The following RASSF8 variants were observed in gnomAD, a reference collection of about 807,000 sequenced individuals.
The protein encoded by RASSF8 is ras association domain-containing protein 8.
RASSF8 carries 22 observed loss-of-function variants against 48.5 expected under a neutral mutation model. That is an observed-to-expected ratio of 0.45 (90% CI 0.32 to 0.65). The LOEUF is 0.65. Among genes scored for constraint, RASSF8 ranks in the 30% least tolerant of loss-of-function variants. RASSF8 has a pLI of 0.03. For missense variants in RASSF8, 418 were observed against 489.2 expected, an observed-to-expected ratio of 0.85 and a Z score of 1.37; for synonymous variants, 127 against 171.5, an observed-to-expected ratio of 0.74 and a Z score of 2.03.
chr12:26,049,985 G>A (rs778021937), intron 2 of RASSF8, among the ~76,000 whole-genome samples: 1 of 151,926 alleles, frequency 6.6e-6, no homozygotes, highest in Admixed American at 6.6e-5. Context: ...AGGGTTTCGT[G>A]TGTTAGTCAG....
In RASSF8 at chr12:26,064,625, A is replaced by G. The variant is rs1402363052; in HGVS notation, c.231A>G (p.Leu77=). ...GQYASDVQLI[L]RRTGPSLSER... ...ATGCTAGTGATGTGCAGCTCATTCT[A>G]CGACGAACTGGGCCGTCTCTCAGTG... Residue 77 remains leucine (L), a synonymous_variant, in exon 4 of 6, where the codon CTA becomes CTG. Transcript: ENST00000689635. 1 of 1,614,182 alleles carries G rather than the reference A, an allele frequency of 6.2e-7. No homozygotes were observed. Among genetic ancestry groups the G allele is most frequent in the South Asian group, 1.1e-5 (1 of 91,078 alleles).
chr12:26,078,440 G>A (rs10842666), intron 5 of RASSF8, among the ~76,000 whole-genome samples: 34,863 of 152,132 alleles, frequency 0.23, 4,232 homozygotes, highest in Middle Eastern at 0.35. Flanking sequence ...AGAGAGGTCT[G>A]AGAAGCCTGG....
chr12:26,038,052 A>T (rs1221120577), intron 2 of RASSF8, among the ~76,000 whole-genome samples: 1 of 151,958 alleles, frequency 6.6e-6, no homozygotes, highest in African/African-American at 2.4e-5. Context: ...CCCTGTACAC[A>T]CCCCCATCAC....
intron 2 of RASSF8, among the ~76,000 whole-genome samples, chr12:26,014,903 A>T (rs1253096904): frequency 6.9e-6 from 1 of 145,440 alleles, no homozygotes; most frequent in Non-Finnish European, 1.5e-5. Context: ...AAACAGCATT[A>T]AAAAAAAAAT....
chr12:26,053,453 A>G (rs1473811968), intron 2 of RASSF8, among the ~76,000 whole-genome samples: 2 of 152,244 alleles, frequency 1.3e-5, no homozygotes, highest in Admixed American at 6.5e-5. Flanking sequence ...AGTGCCTCGC[A>G]GAAGAGGAAA....
At chr12:26,039,222 A>G (rs1214384947) in intron 2 of RASSF8, among the ~76,000 whole-genome samples, 1 of 152,224 alleles carries the variant, frequency 6.6e-6, no homozygotes, top group African/African-American at 2.4e-5. Flanking sequence ...TTTGCTAAGT[A>G]GATACGACAG....
chr12:26,025,301 T>C (rs1250708395), intron 2 of RASSF8, among the ~76,000 whole-genome samples: 1 of 152,134 alleles, frequency 6.6e-6, no homozygotes, highest in Non-Finnish European at 1.5e-5. Flanking sequence ...CTCACGCCTG[T>C]AATCCCAGCA....
intron 2 of RASSF8, among the ~76,000 whole-genome samples, chr12:26,040,800 A>G (rs2137156680): frequency 6.6e-6 from 1 of 152,182 alleles, no homozygotes; most frequent in Non-Finnish European, 1.5e-5. Context: ...TAGGACTAAC[A>G]TGAATATTTG....
rs575395868 is a variant in RASSF8 at position 26,054,234 on chromosome 12, T to C, written c.-108-1002T>C. 1.8e-3 allele frequency among the ~76,000 whole-genome samples: 272 copies of C among 152,278 alleles called. 2 individuals are homozygous for C. The highest frequency in any genetic ancestry group is 6.2e-3 in the African/African-American group (258 of 41,566). On this transcript the variant is annotated intron_variant, in intron 2 of 5. Coordinates refer to ENST00000689635, the MANE Select transcript of RASSF8 (RefSeq NM_001394098.1). ...AATTTACATAGGAAGAGTTGAGAGT[T>C]TTTTTAAACCCACAGGAAAAAGAAT... is the stretch of plus-strand genomic sequence containing the variant.
chr12:25,980,927 T>A (rs1941726830), intron 1 of RASSF8, among the ~76,000 whole-genome samples: 1 of 152,202 alleles, frequency 6.6e-6, no homozygotes, highest in Non-Finnish European at 1.5e-5. Context: ...GGGGCATTAT[T>A]AGCATATTAT....
chr12:25,999,711 TAATA>T (rs1173015719), intron 2 of RASSF8, among the ~76,000 whole-genome samples: 1 of 152,170 alleles, frequency 6.6e-6, no homozygotes, highest in African/African-American at 2.4e-5. Flanking sequence ...TATTTGCAGA[TAATA>T]AAAAGTTCCC....
In RASSF8 at chr12:25,996,661, A is replaced by G. The variant is rs371900373; in HGVS notation, c.-109+1531A>G. ...TCTAGGTCAGCAGCCTTTAATTTTG[A>G]TCCTTGACTTACAGTACAAAGAGAC... On this transcript the variant is annotated intron_variant, in intron 2 of 5. Coordinates refer to ENST00000689635, the MANE Select transcript of RASSF8 (RefSeq NM_001394098.1). Among the ~76,000 whole-genome samples the G allele has an allele frequency of 2.4e-4, 36 of 152,162 alleles. No homozygotes were observed. In the East Asian group the frequency reaches 2.7e-3, roughly 11 times the overall value.
At chr12:26,036,043 A>G (rs1943144236) in intron 2 of RASSF8, among the ~76,000 whole-genome samples, 1 of 151,036 alleles carries the variant, frequency 6.6e-6, no homozygotes, top group South Asian at 2.1e-4. Flanking sequence ...AAGGGCAGAT[A>G]CCATGACAGC....
At chr12:26,065,659 T>G (rs1448848875) in intron 4 of RASSF8, among the ~76,000 whole-genome samples, 1 of 152,190 alleles carries the variant, frequency 6.6e-6, no homozygotes, top group African/African-American at 2.4e-5. Context: ...ATAGTGAATC[T>G]CACCTTCTCC....
Position 26,068,928 on chromosome 12 carries a change from G to A in RASSF8, c.*110G>A, listed in dbSNP as rs998389949. The A allele has an allele frequency of 5.5e-5, 80 of 1,460,438 alleles. No individual in the cohort carries two copies. The highest frequency in any genetic ancestry group is 6.9e-5 in the Non-Finnish European group (77 of 1,108,602). 90.5% of individuals were successfully genotyped at this position (1,460,438 alleles called of 1,614,324 possible). ...GGATCTATTCCACAAGACGCTGTAT[G>A]TTTTTTCTCTCCTAAATTGCATACC... is the stretch of plus-strand genomic sequence containing the variant. On this transcript the variant is annotated 3_prime_UTR_variant, in exon 6 of 6. Coordinates refer to ENST00000689635, the MANE Select transcript of RASSF8 (RefSeq NM_001394098.1).
chr12:26,065,084 A>T lies in RASSF8; in HGVS notation c.690A>T (p.Leu230Phe), dbSNP rs370513313. 6.2e-7 allele frequency: 1 copy of T among 1,613,958 alleles called. No individual in the cohort carries two copies. Among genetic ancestry groups the T allele is most frequent in the Non-Finnish European group, 8.5e-7 (1 of 1,179,958 alleles). The change falls in exon 4 of 6, where the codon TTA (leucine) becomes TTT (phenylalanine). Residue 230 changes from leucine to phenylalanine, a missense_variant. By Grantham distance (22) the Leu-to-Phe change is conservative (BLOSUM62 0). Transcript: ENST00000689635. ...AGGAAGAATTCTGGGAAAATGAATT[A>T]CAGATTGAACAGGAAAATGAAAAAC... is the stretch of plus-strand genomic sequence containing the variant. ...IEEEEFWENELQIEQENEKQL... is the reference protein window; with the variant it reads ...IEEEEFWENEFQIEQENEKQL...
intron 1 of RASSF8, among the ~76,000 whole-genome samples, chr12:25,975,905 A>G (rs1592222622): frequency 6.6e-6 from 1 of 152,310 alleles, no homozygotes; most frequent in East Asian, 1.9e-4. Context: ...ATGGATGTAC[A>G]GAGTACCTTT....
chr12:26,048,081 A>G (rs531079037), intron 2 of RASSF8, among the ~76,000 whole-genome samples: 30 of 152,236 alleles, frequency 2.0e-4, no homozygotes, highest in Non-Finnish European at 3.8e-4. Flanking sequence ...GGCTGGAACC[A>G]TTTGGGTAGG....
chr12:25,970,165 GA>G (rs1941452772), intron 1 of RASSF8, among the ~76,000 whole-genome samples: 1 of 151,120 alleles, frequency 6.6e-6, no homozygotes, highest in African/African-American at 2.4e-5. Flanking sequence ...CACATCCTAA[GA>G]ATGTAAGAAT....
Sources: allele counts gnomAD v4.1 joint callset (sites outside exome capture counted in the v4.1 genomes callset), GRCh38; gene constraint gnomAD v4.1.1; transcripts MANE v1.5; gene names NCBI Gene and HGNC (gene_info 2026-07-23, HGNC 2026-07-21).